The following CACNA1H variants were observed in gnomAD, a reference collection of about 807,000 sequenced individuals.
The protein encoded by CACNA1H is calcium voltage-gated channel subunit alpha1 H.
A neutral mutation model predicts 192.5 loss-of-function variants in CACNA1H; 149 were observed. That is an observed-to-expected ratio of 0.77 (90% confidence interval 0.68 to 0.89). The LOEUF (loss-of-function observed/expected upper bound fraction) is 0.89, where lower values mean the gene tolerates loss of function less well. Ranked by LOEUF, CACNA1H falls within the 40% of genes least tolerant of loss-of-function variation. The probability of loss-of-function intolerance (pLI) is 0.00; values close to 1 mark genes in which losing one functional copy is unlikely to be tolerated. For synonymous variants in CACNA1H, 2,202 were observed against 1,475.2 expected, an observed-to-expected ratio of 1.49 and a Z score of -11.29; for missense variants, 4,257 against 3,423.5, an observed-to-expected ratio of 1.24 and a Z score of -6.08.
In CACNA1H at chr16:1,220,337, C is replaced by G. The variant is rs763909046; in HGVS notation, c.6405C>G (p.Leu2135=). ...GCGGCGAGCGGGACCTGCGCAGGCT[C>G]TACAGCGTGGATGCTCAGGGCTTCC... The part of the protein sequence containing the change: ...VAGGERDLRR[L]YSVDAQGFLD... The change falls in exon 35 of 35, where the codon CTC becomes CTG. Residue 2135 remains leucine (L), a synonymous_variant. Coordinates refer to ENST00000348261, the MANE Select transcript of CACNA1H (RefSeq NM_021098.3). 3 of 1,551,142 alleles carry G rather than the reference C, an allele frequency of 1.9e-6. No homozygotes were observed. The highest frequency in any genetic ancestry group is 1.4e-5 in the African/African-American group (1 of 71,590).
rs1157857635 is a variant in CACNA1H at position 1,220,160 on chromosome 16, G to A, written c.6228G>A (p.Gln2076=). 2 of 1,527,214 alleles carry A rather than the reference G, an allele frequency of 1.3e-6. No individual in the cohort carries two copies. Among genetic ancestry groups the A allele is most frequent in the South Asian group, 1.3e-5 (1 of 77,546 alleles). The allele number at this position is 1,527,214 out of a possible 1,614,324, so 94.6% of individuals were successfully genotyped here. ...SVRTRKHTFG[Q]RCVSSRPAAP... ...GCACTCGTAAGCATACCTTCGGACA[G>A]CGCTGCGTCTCCAGCCGGCCGGCGG... Residue 2076 remains glutamine (Q), a synonymous_variant, in exon 35 of 35, where the codon CAG becomes CAA. Coordinates refer to ENST00000348261, the MANE Select transcript of CACNA1H (RefSeq NM_021098.3).
rs997431944 is a variant in CACNA1H, at chr16:1,180,004, G to A, written c.300-14968G>A. On this transcript the variant is annotated intron_variant, in intron 2 of 34. Transcript: ENST00000348261. The surrounding 1 kb of genome is among the most constrained non-coding windows in gnomAD (Gnocchi z 4.4). ...CCTGCCTCGGCCTCCAAAAGTGCTG[G>A]GATAACAGGCGTGAGCCACCATGCC... Among the ~76,000 whole-genome samples, 11 of 152,210 alleles carry A rather than the reference G, an allele frequency of 7.2e-5. No homozygotes were observed. Among genetic ancestry groups the A allele is most frequent in the African/African-American group, 2.4e-4 (10 of 41,458 alleles).
chr16:1,200,262 C>T lies in CACNA1H; in HGVS notation c.810C>T (p.Asn270=), dbSNP rs1435956033. The T allele has an allele frequency of 6.3e-7, 1 of 1,598,484 alleles. No homozygotes were observed. The highest frequency in any genetic ancestry group is 2.3e-5 in the East Asian group (1 of 44,394). Residue 270 remains asparagine, a synonymous_variant, in exon 7 of 35, where the codon AAC becomes AAT. Coordinates refer to ENST00000348261, the MANE Select transcript of CACNA1H (RefSeq NM_021098.3). ...CFLDSAFVRN[N]NLTFLRPYYQ... The stretch of plus-strand genomic sequence containing the variant: ...TGGCTGTGCCCATCCCCAGGAACAA[C>T]AACCTGACCTTCCTGCGGCCGTACT...
At chr16:1,185,522 C>T (rs1049467841) in intron 2 of CACNA1H, among the ~76,000 whole-genome samples, 1 of 127,216 alleles carries the variant, frequency 7.9e-6, no homozygotes, top group Non-Finnish European at 1.7e-5. Flanking sequence ...GCCGAGTCTG[C>T]TTTTCTGGGG....
At chr16:1,200,003 G>A (rs780244096) in intron 6 of CACNA1H, among the ~76,000 whole-genome samples, 25 of 152,130 alleles carry the variant, frequency 1.6e-4, no homozygotes, top group Non-Finnish European at 3.1e-4. Flanking sequence ...TTGGGCTGAG[G>A]AGAGTGTGGT....
rs1022532194 is a variant in CACNA1H at position 1,180,668 on chromosome 16, C to T, written c.300-14304C>T. ...CTTTCCCGGGGCAGGTAGGGAGGGG[C>T]CTGGGCAGGGCGGGGCAGGGAGGGA... On this transcript the variant is annotated intron_variant, in intron 2 of 34. Coordinates refer to ENST00000348261, the MANE Select transcript of CACNA1H (RefSeq NM_021098.3). This position sits in a 1 kb window ranked among gnomAD's most constrained non-coding sequence, Gnocchi z 4.4. Among the ~76,000 whole-genome samples the T allele has an allele frequency of 1.3e-5, 2 of 151,928 alleles. No individual in the cohort carries two copies. Among genetic ancestry groups the T allele is most frequent in the Non-Finnish European group, 2.9e-5 (2 of 67,926 alleles).
At chr16:1,184,240 A>T (rs1056332335) in intron 2 of CACNA1H, among the ~76,000 whole-genome samples, 31 of 152,236 alleles carry the variant, frequency 2.0e-4, no homozygotes, top group African/African-American at 7.5e-4. Flanking sequence ...CAGGGAGCAG[A>T]CCCTGGCCAA....
chr16:1,215,409 C>T (rs201810650), intron 29 of CACNA1H, 34 bp downstream of exon 29: 18 of 710,880 alleles, frequency 2.5e-5, no homozygotes, highest in African/African-American at 7.5e-5. Flanking sequence ...GTTCTCTCTG[C>T]GGGTGGAGGG....
Position 1,220,975 on chromosome 16 carries a change from G to A in CACNA1H, c.7043G>A (p.Gly2348Asp), listed in dbSNP as rs1201268826. 4 of 1,596,064 alleles carry A rather than the reference G, an allele frequency of 2.5e-6. No individual in the cohort carries two copies. Among genetic ancestry groups the A allele is most frequent in the Admixed American group, 3.5e-5 (2 of 57,040 alleles). ...TCAGCCACCCCTGCCCCAGGGGGTG[G>A]TGCAGATGACCCCGTGTAGCTCGGG... ...SPSATPAPGGGADDPV is the reference protein window; with the variant it reads ...SPSATPAPGGDADDPV The change falls in exon 35 of 35, where the codon GGT (glycine) becomes GAT (aspartate). Residue 2348 changes from glycine to aspartate, a missense_variant. Transcript: ENST00000348261.
At chr16:1,198,092 C>T (rs1967210579) in intron 5 of CACNA1H, among the ~76,000 whole-genome samples, 1 of 152,156 alleles carries the variant, frequency 6.6e-6, no homozygotes, top group Non-Finnish European at 1.5e-5. Flanking sequence ...CCCAGACCTG[C>T]TGCAGAGACC....
intron 12 of CACNA1H, chr16:1,206,752 C>T (rs1272924605): frequency 6.0e-6 from 3 of 504,018 alleles, no homozygotes; most frequent in Admixed American, 3.4e-5. Context: ...AGAGTGGCTT[C>T]CCTCTGTCTG....
chr16:1,165,373 C>CT (rs963451025), intron 2 of CACNA1H, among the ~76,000 whole-genome samples: 7 of 152,218 alleles, frequency 4.6e-5, no homozygotes, highest in Admixed American at 4.6e-4. Flanking sequence ...GGGCCACGCT[C>CT]TTTCGTGACA....
Position 1,204,044 on chromosome 16 carries a change from C to A in CACNA1H, c.2037C>A (p.Leu679=). Residue 679 remains leucine (L), a synonymous_variant, in exon 10 of 35, where the codon CTC becomes CTA. Coordinates refer to ENST00000348261, the MANE Select transcript of CACNA1H (RefSeq NM_021098.3). ...AGGCCCCTGGCCATCTGTCGGGCCTCAGTGTGCCCTGCCCCCTGCCCAGCC... is the reference window on the plus strand; with the variant it reads ...AGGCCCCTGGCCATCTGTCGGGCCTAAGTGTGCCCTGCCCCCTGCCCAGCC... ...LGQAPGHLSG[L]SVPCPLPSPP... 6.3e-7 allele frequency: 1 copy of A among 1,581,224 alleles called. No homozygotes were observed.
chr16:1,159,185 C>T (rs145935766), intron 2 of CACNA1H, among the ~76,000 whole-genome samples: 2,715 of 152,302 alleles, frequency 0.018, 41 homozygotes, highest in Middle Eastern at 0.054. Context: ...GCAGAGTGCC[C>T]GGGTGTCCGT....
At chr16:1,162,455 C>T (rs940484775) in intron 2 of CACNA1H, among the ~76,000 whole-genome samples, 3 of 152,190 alleles carry the variant, frequency 2.0e-5, no homozygotes, top group East Asian at 1.9e-4. Context: ...CAGGATGAAT[C>T]GCGATTGGTC....
chr16:1,177,434 G>A (rs1163260018), intron 2 of CACNA1H, among the ~76,000 whole-genome samples: 2 of 152,194 alleles, frequency 1.3e-5, no homozygotes, highest in Non-Finnish European at 1.5e-5. Context: ...CCGTCGCCCC[G>A]GAGTCCCCCA....
At position 1,215,088 on chromosome 16, in the gene CACNA1H, G is replaced by A; in HGVS notation, c.5039+7G>A. On this transcript the variant is annotated splice_region_variant and intron_variant, in intron 28 of 34. Coordinates refer to ENST00000348261, the MANE Select transcript of CACNA1H (RefSeq NM_021098.3). ...GTCGGTTCTTCAAGGACAGGTGTGT[G>A]TGGTGGGGCCGTCTTGGGTTCTGGG... The A allele has an allele frequency of 6.2e-7, 1 of 1,608,818 alleles. No homozygotes were observed. The highest frequency in any genetic ancestry group is 8.5e-7 in the Non-Finnish European group (1 of 1,177,228).
At chr16:1,194,147 C>G (rs1966839708) in intron 2 of CACNA1H, among the ~76,000 whole-genome samples, 1 of 152,076 alleles carries the variant, frequency 6.6e-6, no homozygotes, top group Middle Eastern at 3.2e-3. Flanking sequence ...AGCACAGGCC[C>G]AAGTCCAGAG....
chr16:1,159,305 A>T (rs1373513301), intron 2 of CACNA1H, among the ~76,000 whole-genome samples: 1 of 151,704 alleles, frequency 6.6e-6, no homozygotes, highest in East Asian at 1.9e-4. Context: ...CCCGGTGGGC[A>T]CAGGAGCCTG....
Sources: allele counts gnomAD v4.1 joint callset (sites outside exome capture counted in the v4.1 genomes callset), GRCh38; gene constraint gnomAD v4.1.1; non-coding constraint Gnocchi (gnomAD v3.1); transcripts MANE v1.5; gene names NCBI Gene and HGNC (gene_info 2026-07-23, HGNC 2026-07-21).